TENM2: variants seen among roughly 807,000 people sequenced by gnomAD.
The protein encoded by TENM2 is teneurin-2.
TENM2 carries 52 observed loss-of-function variants against 245.2 expected under a neutral mutation model. The observed-to-expected ratio is 0.21, with a 90% CI of 0.17 to 0.27. The LOEUF is 0.27. Ranked by LOEUF, TENM2 falls within the 10% of genes least tolerant of loss-of-function variation. The probability of loss-of-function intolerance (pLI) is 1.00; values close to 1 mark genes in which losing one functional copy is unlikely to be tolerated. For synonymous variants in TENM2, 1,363 were observed against 1,438.9 expected (o/e 0.95, Z 1.19); for missense variants, 3,046 against 3,666.8 (o/e 0.83, Z 4.37).
At chr5:167,786,456 T>C (rs918768723) in intron 2 of TENM2, among the ~76,000 whole-genome samples, 12 of 152,226 alleles carry the variant, frequency 7.9e-5, no homozygotes, top group African/African-American at 2.9e-4. Flanking sequence ...CTTACATATG[T>C]ACCTGTTTAA....
intron 5 of TENM2, among the ~76,000 whole-genome samples, chr5:168,008,298 T>C (rs539829200): frequency 2.9e-4 from 44 of 152,202 alleles, no homozygotes; most frequent in Non-Finnish European, 4.7e-4. Flanking sequence ...GAGGGACGCC[T>C]GCTAAGAACA....
the TENM2 span, among the ~76,000 whole-genome samples, chr5:167,226,565 T>TA: frequency 4.5e-4 from 68 of 151,986 alleles, no homozygotes; most frequent in Non-Finnish European, 8.5e-4. Context: ...GTGGGAGATT[T>TA]AAAAAAATTT....
intron 1 of TENM2, among the ~76,000 whole-genome samples, chr5:167,323,466 T>C (rs879531775): frequency 6.6e-6 from 1 of 152,168 alleles, no homozygotes; most frequent in Non-Finnish European, 1.5e-5. Flanking sequence ...ATATATATAT[T>C]CCCCTCCCTA....
chr5:167,092,385 T>A, the TENM2 span, among the ~76,000 whole-genome samples: 1 of 152,158 alleles, frequency 6.6e-6, no homozygotes, highest in South Asian at 2.1e-4. Flanking sequence ...AATTATTAAT[T>A]GAAAATTAAT....
chr5:167,046,347 C>T, the TENM2 span, among the ~76,000 whole-genome samples: 3 of 152,060 alleles, frequency 2.0e-5, no homozygotes, highest in East Asian at 1.9e-4. Flanking sequence ...CATTAAAGAT[C>T]TACTTGCTTT....
chr5:167,857,202 A>T (rs1213008519), intron 2 of TENM2, among the ~76,000 whole-genome samples: 1 of 152,222 alleles, frequency 6.6e-6, no homozygotes, highest in Admixed American at 6.5e-5. Flanking sequence ...AGAGGTATAG[A>T]TACATGCAAG....
intron 12 of TENM2, among the ~76,000 whole-genome samples, chr5:168,151,680 C>T (rs1391560082): frequency 2.0e-5 from 3 of 152,218 alleles, no homozygotes; most frequent in Non-Finnish European, 4.4e-5. Context: ...CCACTACCTT[C>T]ACTATTCCAA....
the TENM2 span, among the ~76,000 whole-genome samples, chr5:167,176,027 C>T: frequency 2.0e-5 from 3 of 151,900 alleles, no homozygotes; most frequent in Admixed American, 6.6e-5. Context: ...TGGTCTTTCT[C>T]AAATCAAAAC....
the TENM2 span, among the ~76,000 whole-genome samples, chr5:167,053,383 A>C: frequency 1.3e-5 from 2 of 152,332 alleles, no homozygotes; most frequent in South Asian, 4.1e-4. Flanking sequence ...TTGGCTGCAT[A>C]GTAGGCCCTA....
the TENM2 span, among the ~76,000 whole-genome samples, chr5:167,073,893 T>A: frequency 2.6e-5 from 4 of 152,348 alleles, no homozygotes; most frequent in East Asian, 7.7e-4. Context: ...TCTGCTTTTA[T>A]GGTCCCTGAA....
chr5:167,607,778 G>A (rs1777161590), intron 2 of TENM2, among the ~76,000 whole-genome samples: 1 of 152,170 alleles, frequency 6.6e-6, no homozygotes, highest in South Asian at 2.1e-4. Context: ...ATAAGATAGA[G>A]TCCCTGCCCT....
intron 2 of TENM2, among the ~76,000 whole-genome samples, chr5:167,477,718 T>A (rs1038423651): frequency 4.6e-5 from 7 of 152,162 alleles, no homozygotes; most frequent in African/African-American, 1.7e-4. Flanking sequence ...TAAGATATAT[T>A]TTTAATATCA....
At chr5:167,769,709 T>A (rs756791060) in intron 2 of TENM2, among the ~76,000 whole-genome samples, 2 of 152,146 alleles carry the variant, frequency 1.3e-5, no homozygotes, top group Non-Finnish European at 2.9e-5. Flanking sequence ...AAATCAACAC[T>A]CCTGGGCTCA....
At chr5:167,770,259 T>G (rs1198695401) in intron 2 of TENM2, among the ~76,000 whole-genome samples, 1 of 152,092 alleles carries the variant, frequency 6.6e-6, no homozygotes, top group African/African-American at 2.4e-5. Context: ...CAGCAAAGGC[T>G]TAGTGATTAA....
In TENM2 at chr5:168,227,919, T is replaced by G. The variant is rs1223211574; in HGVS notation, c.5309T>G (p.Leu1770Arg). The G allele has an allele frequency of 1.9e-6, 3 of 1,607,964 alleles. No homozygotes were observed. Among genetic ancestry groups the G allele is most frequent in the Non-Finnish European group, 2.6e-6 (3 of 1,175,162 alleles). ...GATCAAGTTCGGAACAGCTACCAGCTCTGTAATAATGGTACCCTGAGGGTG... is the reference window on the plus strand; with the variant it reads ...GATCAAGTTCGGAACAGCTACCAGCGCTGTAATAATGGTACCCTGAGGGTG... Residue 1770 changes from leucine (L) to arginine (R), a missense_variant, in exon 25 of 29, where the codon CTC becomes CGC. By Grantham distance (102) the Leu-to-Arg change is moderately radical. Transcript: ENST00000518659.
In TENM2 at chr5:167,870,590, T is replaced by C. The variant is rs140885902; in HGVS notation, c.503-5396T>C. Among the ~76,000 whole-genome samples the C allele has an allele frequency of 9.8e-3, 1,448 of 147,318 alleles. 17 individuals are homozygous for C. Among genetic ancestry groups the C allele is most frequent in the East Asian group, 0.077 (392 of 5,086 alleles). ...ATATATGTGTGTGTATATATATATG[T>C]ATATATATGTGTATATATGTATATA... On this transcript the variant is annotated intron_variant, in intron 2 of 28. Transcript: ENST00000518659.
At chr5:168,101,090 C>T (rs1237961210) in intron 9 of TENM2, among the ~76,000 whole-genome samples, 5 of 152,080 alleles carry the variant, frequency 3.3e-5, no homozygotes, top group Non-Finnish European at 5.9e-5. Flanking sequence ...CTCCTCCTAG[C>T]GCCTCCCTCA....
chr5:167,452,718 G>A (rs923933026), intron 2 of TENM2, among the ~76,000 whole-genome samples: 4 of 151,132 alleles, frequency 2.6e-5, no homozygotes, highest in East Asian at 2.0e-4. Flanking sequence ...AACACACACC[G>A]GGAATTGAAC....
chr5:167,353,574 C>T (rs375116477), intron 1 of TENM2, among the ~76,000 whole-genome samples: 1 of 118,956 alleles, frequency 8.4e-6, no homozygotes, highest in African/African-American at 3.1e-5. Context: ...GTGGCGGGAT[C>T]TCGGCTCACT....
Sources: allele counts gnomAD v4.1 joint callset (sites outside exome capture counted in the v4.1 genomes callset), GRCh38; gene constraint gnomAD v4.1.1; transcripts MANE v1.5; gene names NCBI Gene and HGNC (gene_info 2026-07-23, HGNC 2026-07-21).